CDKL2: variants seen among roughly 807,000 people sequenced by gnomAD.
CDKL2 encodes cyclin dependent kinase like 2, also known as cyclin-dependent kinase-like 2.
Under a neutral mutation model 63.9 loss-of-function variants are expected in CDKL2, and 64 were observed. The ratio of observed to expected loss-of-function variants is 1.00; its 90% CI spans 0.82 to 1.23. The LOEUF is 1.23. CDKL2 is among the 50% of genes most tolerant of loss of function. The pLI is 0.00. For synonymous variants in CDKL2, 211 were observed against 229.2 expected (o/e 0.92, Z 0.72); for missense variants, 656 against 668.0 (o/e 0.98, Z 0.20).
intron 2 of CDKL2, among the ~76,000 whole-genome samples, chr4:75,622,930 G>A (rs1003148123): frequency 6.6e-6 from 1 of 151,780 alleles, no homozygotes; most frequent in African/African-American, 2.4e-5. Flanking sequence ...TAGGGAAGAT[G>A]GTCTTATAGA....
intron 6 of CDKL2, 41 bp from the exon 7 acceptor site, chr4:75,600,410 C>A (rs747511054): frequency 8.2e-7 from 1 of 1,217,500 alleles, no homozygotes; most frequent in Admixed American, 2.1e-5. Context: ...TCAAGAAAAA[C>A]TACCTACATT....
intron 2 of CDKL2, among the ~76,000 whole-genome samples, chr4:75,619,648 C>T (rs187449080): frequency 5.6e-4 from 84 of 148,936 alleles, no homozygotes; most frequent in South Asian, 8.5e-4. Context: ...TGCTAAGGAC[C>T]GACAATGTCT....
At chr4:75,594,215 A>G (rs1165432477) in intron 10 of CDKL2, among the ~76,000 whole-genome samples, 1 of 152,202 alleles carries the variant, frequency 6.6e-6, no homozygotes, top group African/African-American at 2.4e-5. Context: ...TGGGAGGCCA[A>G]GGTGGGCAGA....
chr4:75,623,946 C>A (rs1361215419), intron 2 of CDKL2, among the ~76,000 whole-genome samples: 1 of 151,766 alleles, frequency 6.6e-6, no homozygotes, highest in African/African-American at 2.4e-5. Flanking sequence ...CCAGCCTGGC[C>A]AACATGGTGA....
In CDKL2 at chr4:75,614,254, C is replaced by T. The variant is rs1242642795; in HGVS notation, c.363+1G>A. ...GCAAATTATTTAAACCCAATACTTA[C>T]ATTGTGACTGTGACAAAATCCAATT... On this transcript the variant is annotated splice_donor_variant, in intron 3 of 13. Transcript: ENST00000307465. LOFTEE classifies it high-confidence loss of function. 6.3e-7 allele frequency: 1 copy of T among 1,576,058 alleles called. No homozygotes were observed. The highest frequency in any genetic ancestry group is 8.7e-7 in the Non-Finnish European group (1 of 1,152,048).
At chr4:75,612,995 G>A (rs1005352361) in intron 3 of CDKL2, among the ~76,000 whole-genome samples, 2 of 152,162 alleles carry the variant, frequency 1.3e-5, no homozygotes, top group African/African-American at 2.4e-5. Context: ...CGTGGTGGCG[G>A]GCGCCTGTAG....
intron 12 of CDKL2, among the ~76,000 whole-genome samples, chr4:75,590,413 T>G (rs1441455743): frequency 1.3e-5 from 2 of 152,198 alleles, no homozygotes; most frequent in Non-Finnish European, 2.9e-5. Flanking sequence ...TCTACAGAAC[T>G]ATTGAAGAGT....
intron 12 of CDKL2, among the ~76,000 whole-genome samples, chr4:75,582,330 A>C (rs1475411832): frequency 1.3e-5 from 2 of 152,242 alleles, no homozygotes; most frequent in Non-Finnish European, 2.9e-5. Flanking sequence ...GCAGAGAAAC[A>C]GATGCTATAA....
rs1261446174 is a variant in CDKL2, at chr4:75,614,260, G to A, written c.358C>T (p.His120Tyr). ...TATTTAAACCCAATACTTACATTGTGACTGTGACAAAATCCAATTCCATTA... is the reference window on the plus strand; with the variant it reads ...TATTTAAACCCAATACTTACATTGTAACTGTGACAAAATCCAATTCCATTA... ...IINGIGFCHS[H>Y]NIIHRDIKPE... Residue 120 changes from histidine to tyrosine, a missense_variant, in exon 3 of 14, where the codon CAC becomes TAC. Physicochemically the swap from His to Tyr is moderately conservative, Grantham distance 83 (BLOSUM62 2). Coordinates refer to ENST00000307465, the MANE Select transcript of CDKL2 (RefSeq NM_001330724.2). 6.3e-7 allele frequency: 1 copy of A among 1,586,900 alleles called. No individual in the cohort carries two copies. The highest frequency in any genetic ancestry group is 8.6e-7 in the Non-Finnish European group (1 of 1,161,270).
At chr4:75,604,200 G>A (rs1296216855) in intron 5 of CDKL2, among the ~76,000 whole-genome samples, 3 of 152,156 alleles carry the variant, frequency 2.0e-5, no homozygotes, top group Admixed American at 1.3e-4. Context: ...CCAGCACTTC[G>A]TTTCTAACTA....
At chr4:75,628,184 T>G (rs1363308500) in intron 1 of CDKL2, among the ~76,000 whole-genome samples, 1 of 151,310 alleles carries the variant, frequency 6.6e-6, no homozygotes, top group Non-Finnish European at 1.5e-5. Flanking sequence ...GGCGCGATCT[T>G]GGCTCACTGC....
chr4:75,587,005 T>A (rs1728506691), intron 12 of CDKL2, among the ~76,000 whole-genome samples: 1 of 151,974 alleles, frequency 6.6e-6, no homozygotes. Context: ...AACTGACAGA[T>A]AACAGAGGAA....
intron 5 of CDKL2, among the ~76,000 whole-genome samples, chr4:75,604,827 G>A (rs1357040578): frequency 3.9e-5 from 6 of 152,196 alleles, no homozygotes; most frequent in Non-Finnish European, 8.8e-5. Flanking sequence ...GAAAGGGGAT[G>A]TGAGCGTGAT....
At chr4:75,587,685 C>T (rs1411883911) in intron 12 of CDKL2, among the ~76,000 whole-genome samples, 2 of 151,646 alleles carry the variant, frequency 1.3e-5, no homozygotes, top group Admixed American at 1.3e-4. Flanking sequence ...GGGCGGATCA[C>T]GAGATCAGGA....
chr4:75,619,495 T>A (rs1475507845), intron 2 of CDKL2, among the ~76,000 whole-genome samples: 1 of 145,674 alleles, frequency 6.9e-6, no homozygotes, highest in Non-Finnish European at 1.5e-5. Context: ...CACCAGAATG[T>A]GCAGGTAGGC....
At chr4:75,614,911 T>TCC (rs1729857544) in intron 2 of CDKL2, among the ~76,000 whole-genome samples, 1 of 148,632 alleles carries the variant, frequency 6.7e-6, no homozygotes, top group African/African-American at 2.4e-5. Flanking sequence ...AAACTATGTA[T>TCC]ACATATATAT....
intron 2 of CDKL2, among the ~76,000 whole-genome samples, chr4:75,615,266 C>T (rs1368128080): frequency 3.9e-5 from 6 of 152,092 alleles, no homozygotes; most frequent in Non-Finnish European, 8.8e-5. Context: ...TGGCCTCTCC[C>T]CAGAACCTCC....
chr4:75,625,235 C>T (rs189368234), intron 2 of CDKL2, among the ~76,000 whole-genome samples: 1 of 152,038 alleles, frequency 6.6e-6, no homozygotes, highest in Non-Finnish European at 1.5e-5. Context: ...GAAATAAATT[C>T]TTATATGGTG....
chr4:75,581,127 A>C (rs530610120), intron 13 of CDKL2, among the ~76,000 whole-genome samples: 1 of 152,374 alleles, frequency 6.6e-6, no homozygotes, highest in East Asian at 1.9e-4. Context: ...TGTTTAGGTC[A>C]ACAATGAGCT....
Sources: allele counts gnomAD v4.1 joint callset (sites outside exome capture counted in the v4.1 genomes callset), GRCh38; gene constraint gnomAD v4.1.1; transcripts MANE v1.5; gene names NCBI Gene and HGNC (gene_info 2026-07-23, HGNC 2026-07-21).